SLAIN2: variants seen among roughly 807,000 people sequenced by gnomAD.
SLAIN2 encodes SLAIN family member 2, also known as SLAIN motif-containing protein 2.
Under a neutral mutation model 56.6 loss-of-function variants are expected in SLAIN2, and 31 were observed. The ratio of observed to expected loss-of-function variants is 0.55; its 90% CI spans 0.41 to 0.74. SLAIN2 has a LOEUF of 0.74. Among genes scored for constraint, SLAIN2 ranks in the 30% least tolerant of loss-of-function variants. The pLI is 0.00. For synonymous variants in SLAIN2, 317 were observed against 284.9 expected, an observed-to-expected ratio of 1.11 and a Z score of -1.13; for missense variants, 777 against 754.2, an observed-to-expected ratio of 1.03 and a Z score of -0.35.
chr4:48,362,750 C>CT (rs66847310), intron 1 of SLAIN2, among the ~76,000 whole-genome samples: 2,118 of 93,110 alleles, frequency 0.023, 26 homozygotes, highest in Middle Eastern at 0.05. Context: ...TTTTTTTATT[C>CT]TTTTTTTTTT....
intron 6 of SLAIN2, among the ~76,000 whole-genome samples, chr4:48,390,641 T>G (rs564659256): frequency 2.1e-4 from 32 of 152,310 alleles, no homozygotes; most frequent in African/African-American, 7.7e-4. Flanking sequence ...AAAATCAACA[T>G]TATAATACAA....
intron 2 of SLAIN2, among the ~76,000 whole-genome samples, chr4:48,372,441 A>C (rs758807552): frequency 7.9e-5 from 12 of 152,210 alleles, no homozygotes; most frequent in Non-Finnish European, 1.3e-4. Flanking sequence ...ATGAGTGGGC[A>C]TGGCTGTGTT....
intron 6 of SLAIN2, among the ~76,000 whole-genome samples, chr4:48,409,348 T>C (rs1036397579): frequency 6.6e-6 from 1 of 152,178 alleles, no homozygotes; most frequent in African/African-American, 2.4e-5. Flanking sequence ...AGCTATTCCA[T>C]ATAGCCTAGG....
At position 48,358,341 on chromosome 4, in the gene SLAIN2, C is replaced by T. The variant is rs59806396; in HGVS notation, c.390-11508C>T. Among the ~76,000 whole-genome samples, 291 of 145,132 alleles carry T rather than the reference C, an allele frequency of 2.0e-3. 2 individuals carry two copies. Among genetic ancestry groups the T allele is most frequent in the African/African-American group, 6.9e-3 (271 of 39,172 alleles). On this transcript the variant is annotated intron_variant, in intron 1 of 7. Transcript: ENST00000264313. The stretch of plus-strand genomic sequence containing the variant: ...AACAAAGCTTTTTTTTTTTTTGAGA[C>T]GGAGTTTCACTCTTGTTGCCCATGC...
chr4:48,401,760 G>A (rs192338381), intron 6 of SLAIN2, among the ~76,000 whole-genome samples: 209 of 152,216 alleles, frequency 1.4e-3, no homozygotes, highest in African/African-American at 4.9e-3. Context: ...GAGGCATTTA[G>A]CCCATTTACA....
intron 6 of SLAIN2, among the ~76,000 whole-genome samples, chr4:48,413,319 G>C (rs763364900): frequency 1.3e-5 from 2 of 152,074 alleles, no homozygotes; most frequent in African/African-American, 2.4e-5. Context: ...GGAGACCTGG[G>C]TTCAGTTCAG....
chr4:48,404,213 A>C (rs991532388), intron 6 of SLAIN2, among the ~76,000 whole-genome samples: 3 of 152,092 alleles, frequency 2.0e-5, no homozygotes, highest in African/African-American at 7.2e-5. Flanking sequence ...TGCTACTTCC[A>C]ATTGACCATC....
intron 4 of SLAIN2, among the ~76,000 whole-genome samples, chr4:48,382,156 A>G (rs1350930471): frequency 1.3e-5 from 2 of 152,202 alleles, no homozygotes; most frequent in African/African-American, 2.4e-5. Flanking sequence ...TTAAGTATCC[A>G]AGAAGTTTTA....
intron 6 of SLAIN2, among the ~76,000 whole-genome samples, chr4:48,401,162 T>C (rs1326617349): frequency 2.0e-5 from 3 of 152,222 alleles, no homozygotes; most frequent in African/African-American, 4.8e-5. Context: ...GAGACTGTTA[T>C]GATTTCAGTT....
intron 6 of SLAIN2, among the ~76,000 whole-genome samples, chr4:48,404,005 G>A (rs1259755398): frequency 6.6e-6 from 1 of 152,150 alleles, no homozygotes; most frequent in Non-Finnish European, 1.5e-5. Flanking sequence ...CTTGGCTGGC[G>A]ATGGGGGCTC....
At chr4:48,350,391 A>C (rs1175422160) in intron 1 of SLAIN2, among the ~76,000 whole-genome samples, 1 of 152,194 alleles carries the variant, frequency 6.6e-6, no homozygotes, top group Non-Finnish European at 1.5e-5. Flanking sequence ...CATATCTATA[A>C]CTATATAAAT....
chr4:48,386,730 T>TGAAAGGAA (rs1392674103), intron 6 of SLAIN2, among the ~76,000 whole-genome samples: 1 of 152,116 alleles, frequency 6.6e-6, no homozygotes, highest in Non-Finnish European at 1.5e-5. Context: ...ACAAAACACT[T>TGAAAGGAA]GAAAGGAAGG....
Position 48,383,678 on chromosome 4 carries a change from C to G in SLAIN2, c.1254C>G (p.Ser418=). 1 of 1,603,858 alleles carries G rather than the reference C, an allele frequency of 6.2e-7. No homozygotes were observed. The highest frequency in any genetic ancestry group is 8.5e-7 in the Non-Finnish European group (1 of 1,173,958). ...TAAGACGCAGTCTTCCAAACCTGTC[C>G]CGAACATCTAATACACAAGTTGACT... The part of the protein sequence containing the change: ...EKLRRSLPNL[S]RTSNTQVDSV... Residue 418 remains serine, a synonymous_variant, in exon 6 of 8, where the codon TCC becomes TCG. Coordinates refer to ENST00000264313, the MANE Select transcript of SLAIN2 (RefSeq NM_020846.2).
intron 4 of SLAIN2, among the ~76,000 whole-genome samples, chr4:48,380,776 T>C (rs1715951844): frequency 6.6e-6 from 1 of 152,148 alleles, no homozygotes; most frequent in Non-Finnish European, 1.5e-5. Flanking sequence ...GACAGGTGGC[T>C]GAGGTTAATG....
chr4:48,405,624 A>G (rs1343305527), intron 6 of SLAIN2, among the ~76,000 whole-genome samples: 1 of 150,578 alleles, frequency 6.6e-6, no homozygotes, highest in African/African-American at 2.4e-5. Flanking sequence ...TTTTTTTTGC[A>G]TAGGTAGTAG....
At chr4:48,351,204 G>A (rs1372629416) in intron 1 of SLAIN2, among the ~76,000 whole-genome samples, 1 of 152,224 alleles carries the variant, frequency 6.6e-6, no homozygotes, top group Non-Finnish European at 1.5e-5. Flanking sequence ...TAGTCTGTAA[G>A]TGACCCTTGA....
At chr4:48,379,668 T>G (rs770407474) in intron 3 of SLAIN2, 22 bp from the exon 4 acceptor site, 5 of 1,390,856 alleles carry the variant, frequency 3.6e-6, no homozygotes, top group Non-Finnish European at 3.8e-6. Flanking sequence ...AGTTTGAATT[T>G]TTTTCTTTTT....
In SLAIN2 at chr4:48,424,983, A is replaced by G. The variant is rs1717263673; in HGVS notation, c.*2906A>G. 6.6e-6 allele frequency: 1 copy of G among 152,266 alleles called. No homozygotes were observed. The highest frequency in any genetic ancestry group is 2.1e-4 in the South Asian group (1 of 4,830). 9.4% of individuals were successfully genotyped at this position (152,266 alleles called of 1,614,324 possible). A position where few individuals can be genotyped will look rare whatever the true frequency, so the allele number is the denominator to read the frequency against. On this transcript the variant is annotated 3_prime_UTR_variant, in exon 8 of 8. Coordinates refer to ENST00000264313, the MANE Select transcript of SLAIN2 (RefSeq NM_020846.2). ...ACTTGTATATGTGGTTGCCTCCTTA[A>G]TAAACAGCCTGACCATAATGTTTAT... is the stretch of plus-strand genomic sequence containing the variant.
chr4:48,372,029 TATATATACATATAC>T lies in SLAIN2; in HGVS notation c.538+2046_538+2059del, dbSNP rs1207069413. Among the ~76,000 whole-genome samples, 9 of 142,284 alleles carry T rather than the reference TATATATACATATAC, an allele frequency of 6.3e-5. 1 individual carries two copies. Among genetic ancestry groups the T allele is most frequent in the African/African-American group, 2.0e-4 (7 of 35,626 alleles). The allele number at this position is 142,284 out of a possible 152,430, so 93.3% of individuals were successfully genotyped here. ...ACACACACATATACATATATACACA[TATATATACATATAC>T]ATATATACATATATATATATACACA... On this transcript the variant is annotated intron_variant, in intron 2 of 7. Transcript: ENST00000264313.
Sources: allele counts gnomAD v4.1 joint callset (sites outside exome capture counted in the v4.1 genomes callset), GRCh38; gene constraint gnomAD v4.1.1; transcripts MANE v1.5; gene names NCBI Gene and HGNC (gene_info 2026-07-23, HGNC 2026-07-21).